Variants in PALM2AKAP2 observed in about 807,000 individuals in gnomAD.
PALM2AKAP2 encodes PALM2 and AKAP2 fusion.
A neutral mutation model predicts 71.5 loss-of-function variants in PALM2AKAP2; 37 were observed. That is an observed-to-expected ratio of 0.52 (90% CI 0.40 to 0.68). PALM2AKAP2 has a LOEUF of 0.68. Among genes scored for constraint, PALM2AKAP2 ranks in the 30% least tolerant of loss-of-function variants. The pLI, the probability that PALM2AKAP2 is intolerant of heterozygous loss-of-function variation, is 0.00. For synonymous variants in PALM2AKAP2, 468 were observed against 478.8 expected (o/e 0.98, Z 0.29); for missense variants, 1,224 against 1,191.8 (o/e 1.03, Z -0.40).
intron 1 of PALM2AKAP2, among the ~76,000 whole-genome samples, chr9:109,816,400 G>A (rs1028351764): frequency 1.6e-4 from 24 of 152,174 alleles, no homozygotes; most frequent in African/African-American, 5.6e-4. Flanking sequence ...TAAGATAGAG[G>A]AAGCTGGAGA....
intron 5 of PALM2AKAP2, 49 bp downstream of exon 5, chr9:109,925,131 G>T: frequency 1.9e-6 from 3 of 1,612,784 alleles, no homozygotes; most frequent in Non-Finnish European, 2.5e-6. Flanking sequence ...ATCCTGGTCA[G>T]CTTAGGGGGT....
chr9:110,062,075 CA>C (rs1270963737), intron 1 of PALM2AKAP2, among the ~76,000 whole-genome samples: 1 of 151,874 alleles, frequency 6.6e-6, no homozygotes, highest in Non-Finnish European at 1.5e-5. Context: ...CAAAGGCTTA[CA>C]AAAAAATAGC....
At chr9:110,053,101 A>G (rs1303293114) in intron 1 of PALM2AKAP2, among the ~76,000 whole-genome samples, 1 of 152,278 alleles carries the variant, frequency 6.6e-6, no homozygotes, top group East Asian at 1.9e-4. Flanking sequence ...GAGAAGACAG[A>G]GCATGAGGGA....
At chr9:109,679,469 A>G (rs1301737899) in intron 1 of PALM2AKAP2, among the ~76,000 whole-genome samples, 3 of 152,172 alleles carry the variant, frequency 2.0e-5, no homozygotes, top group African/African-American at 7.2e-5. Flanking sequence ...ACCCATGTAT[A>G]CCTTAGATCC....
intron 1 of PALM2AKAP2, among the ~76,000 whole-genome samples, chr9:109,852,707 C>T (rs1481695201): frequency 1.3e-5 from 2 of 152,094 alleles, no homozygotes; most frequent in Admixed American, 6.6e-5. Flanking sequence ...TGTTTTTTGA[C>T]GTTTTAATAG....
At chr9:110,030,882 G>T (rs1393748872) in intron 7 of PALM2AKAP2, among the ~76,000 whole-genome samples, 1 of 152,188 alleles carries the variant, frequency 6.6e-6, no homozygotes, top group East Asian at 1.9e-4. Context: ...CCACGAGCTG[G>T]TCTGTTTCGA....
chr9:110,001,142 T>G (rs562883838), intron 6 of PALM2AKAP2, among the ~76,000 whole-genome samples: 1 of 152,366 alleles, frequency 6.6e-6, no homozygotes, highest in African/African-American at 2.4e-5. Flanking sequence ...TTTTTATGGT[T>G]TTAGGTCTAA....
In PALM2AKAP2 at chr9:109,867,484, T is replaced by C; in HGVS notation, c.46-7T>C. ...ACTCTTACAGCCTCTGTCTCTTTAT[T>C]TTCAAGGAAAAAAGAAAGAGGCAGA... On this transcript the variant is annotated splice_polypyrimidine_tract_variant and splice_region_variant and intron_variant, in intron 1 of 9. Transcript: ENST00000302798. 6.2e-7 allele frequency: 1 copy of C among 1,611,016 alleles called. No homozygotes were observed.
intron 7 of PALM2AKAP2, 120 bp downstream of exon 7, chr9:110,016,159 T>C: frequency 3.0e-6 from 3 of 995,320 alleles, no homozygotes; most frequent in Non-Finnish European, 4.6e-6. Flanking sequence ...GTTCTCTCTC[T>C]ACTCACTGAG....
chr9:110,119,341 CAAAAAAAAAA>C (rs200861093), intron 1 of PALM2AKAP2, among the ~76,000 whole-genome samples: 7 of 88,926 alleles, frequency 7.9e-5, no homozygotes, highest in Admixed American at 2.3e-4. Flanking sequence ...GACTCCATCT[CAAAAAAAAAA>C]AAAAAAAAAG....
intron 3 of PALM2AKAP2, among the ~76,000 whole-genome samples, chr9:109,903,377 G>A (rs1442594980): frequency 2.6e-5 from 4 of 151,996 alleles, no homozygotes; most frequent in Non-Finnish European, 5.9e-5. Flanking sequence ...GACACTTACT[G>A]CAACCCATTT....
intron 6 of PALM2AKAP2, among the ~76,000 whole-genome samples, chr9:110,004,442 TC>T (rs1832739993): frequency 6.6e-6 from 1 of 152,202 alleles, no homozygotes; most frequent in Non-Finnish European, 1.5e-5. Flanking sequence ...ACCTGACCTT[TC>T]TCTCTGGCTG....
At chr9:109,833,617 T>C (rs1260819863) in intron 1 of PALM2AKAP2, among the ~76,000 whole-genome samples, 1 of 152,156 alleles carries the variant, frequency 6.6e-6, no homozygotes, top group Non-Finnish European at 1.5e-5. Context: ...GAAGCATGAT[T>C]CAGTTGGGGA....
intron 1 of PALM2AKAP2, among the ~76,000 whole-genome samples, chr9:109,764,789 T>C (rs1335771976): frequency 6.7e-6 from 1 of 149,484 alleles, no homozygotes; most frequent in Non-Finnish European, 1.5e-5. Flanking sequence ...CATGGGTAGA[T>C]GAATGAACGG....
chr9:109,989,193 A>T (rs1251190515), intron 6 of PALM2AKAP2, among the ~76,000 whole-genome samples: 1 of 152,180 alleles, frequency 6.6e-6, no homozygotes, highest in Admixed American at 6.5e-5. Context: ...AGCGAAAAGG[A>T]CACCCCATTT....
chr9:109,765,118 C>T (rs1829128278), intron 1 of PALM2AKAP2, among the ~76,000 whole-genome samples: 2 of 152,194 alleles, frequency 1.3e-5, no homozygotes, highest in Non-Finnish European at 2.9e-5. Flanking sequence ...ACGTGGTTCT[C>T]ACATCTTACA....
At position 110,111,738 on chromosome 9, in the gene PALM2AKAP2, G is replaced by A. The variant is rs74308621; in HGVS notation, c.157-24389G>A. ...TTTTTATTTTTATTTTGCATCCAGC[G>A]TGCTCAGAAAAACTAAAGGAAAAAA... On this transcript the variant is annotated intron_variant, in intron 1 of 3. Transcript: ENST00000374525. Among the ~76,000 whole-genome samples, 20 of 151,626 alleles carry A rather than the reference G, an allele frequency of 1.3e-4. No homozygotes were observed. The East Asian group carries it at 2.5e-3, about 19-fold the overall frequency.
At chr9:109,870,555 A>G (rs1829577757) in intron 2 of PALM2AKAP2, among the ~76,000 whole-genome samples, 1 of 152,174 alleles carries the variant, frequency 6.6e-6, no homozygotes, top group African/African-American at 2.4e-5. Flanking sequence ...ACCACAAGAC[A>G]GTTATTACTC....
At chr9:110,132,719 G>A (rs747602424) in intron 1 of PALM2AKAP2, among the ~76,000 whole-genome samples, 7 of 151,652 alleles carry the variant, frequency 4.6e-5, no homozygotes, top group Non-Finnish European at 1.0e-4. Context: ...AGGTTGAAGC[G>A]ATTCTCATGC....
Sources: gnomAD v4.1 joint callset for allele counts (sites outside exome capture counted in the v4.1 genomes callset) on GRCh38, gnomAD v4.1.1 for gene constraint, MANE v1.5 for transcripts, NCBI Gene and HGNC (gene_info 2026-07-23, HGNC 2026-07-21) for gene names.